Variants in PPM1L observed in about 807,000 individuals in gnomAD.
The protein encoded by PPM1L is protein phosphatase, Mg2+/Mn2+ dependent 1L.
In PPM1L, 13 loss-of-function variants were observed where a neutral mutation model predicts 31.4. The observed-to-expected ratio is 0.41, with a 90% CI of 0.27 to 0.66. PPM1L has a LOEUF of 0.66. Ranked by LOEUF, PPM1L falls within the 30% of genes least tolerant of loss-of-function variation. The pLI is 0.29. For missense variants in PPM1L, 326 were observed against 453.7 expected (o/e 0.72, Z 2.56); for synonymous variants, 184 against 175.4 (o/e 1.05, Z -0.39).
At chr3:160,909,523 C>G (rs1488624676) in intron 1 of PPM1L, among the ~76,000 whole-genome samples, 1 of 152,140 alleles carries the variant, frequency 6.6e-6, no homozygotes. Flanking sequence ...GTCTAGAGCT[C>G]AGGAGTTGCC....
At chr3:160,823,369 T>A (rs941783972) in intron 1 of PPM1L, among the ~76,000 whole-genome samples, 6 of 48,626 alleles carry the variant, frequency 1.2e-4, no homozygotes, top group African/African-American at 9.1e-4. Context: ...GTATAAATGA[T>A]TTTTTTTTTT....
intron 1 of PPM1L, among the ~76,000 whole-genome samples, chr3:160,814,490 C>T (rs1712904448): frequency 1.3e-5 from 2 of 150,116 alleles, no homozygotes; most frequent in Admixed American, 1.3e-4. Context: ...CACACACACA[C>T]ACACACATAT....
chr3:160,959,600 C>T (rs374954643), intron 1 of PPM1L, among the ~76,000 whole-genome samples: 3 of 152,092 alleles, frequency 2.0e-5, no homozygotes, highest in Non-Finnish European at 4.4e-5. Context: ...GAGGCTGAGG[C>T]GGGTGCATCA....
intron 1 of PPM1L, among the ~76,000 whole-genome samples, chr3:160,780,034 T>C (rs893662117): frequency 6.6e-6 from 1 of 152,138 alleles, no homozygotes; most frequent in Non-Finnish European, 1.5e-5. Flanking sequence ...AGCTTTTTTT[T>C]TTTTGATACT....
chr3:160,934,778 C>A (rs1267380989), intron 1 of PPM1L, among the ~76,000 whole-genome samples: 2 of 152,022 alleles, frequency 1.3e-5, no homozygotes, highest in Non-Finnish European at 2.9e-5. Context: ...TGTGGTGAAA[C>A]CCTGTCTCCA....
At chr3:160,834,170 C>G (rs899973165) in intron 1 of PPM1L, among the ~76,000 whole-genome samples, 2 of 151,824 alleles carry the variant, frequency 1.3e-5, no homozygotes, top group African/African-American at 2.4e-5. Flanking sequence ...ACTACAGGCA[C>G]CCACCATCAT....
chr3:160,919,789 T>C (rs1436717251), intron 1 of PPM1L, among the ~76,000 whole-genome samples: 1 of 152,214 alleles, frequency 6.6e-6, no homozygotes, highest in East Asian at 1.9e-4. Context: ...ATTTCTGTTT[T>C]GCATTAGGAA....
chr3:160,980,437 G>A (rs2108033701), intron 2 of PPM1L, among the ~76,000 whole-genome samples: 1 of 152,076 alleles, frequency 6.6e-6, no homozygotes, highest in South Asian at 2.1e-4. Flanking sequence ...AGCACTTTGG[G>A]AGGCGTAGGA....
intron 1 of PPM1L, among the ~76,000 whole-genome samples, chr3:160,898,445 C>T (rs1713421418): frequency 6.6e-6 from 1 of 152,140 alleles, no homozygotes; most frequent in Non-Finnish European, 1.5e-5. Context: ...AGGGCCCTCT[C>T]AGAGACTGCT....
At chr3:160,773,385 A>G (rs1711501593) in intron 1 of PPM1L, among the ~76,000 whole-genome samples, 1 of 39,166 alleles carries the variant, frequency 2.6e-5, no homozygotes, top group Non-Finnish European at 4.0e-5. Flanking sequence ...GAAAAGAGAG[A>G]AAAAAAGGCA....
chr3:160,788,686 T>C (rs1347909548), intron 1 of PPM1L, among the ~76,000 whole-genome samples: 1 of 152,108 alleles, frequency 6.6e-6, no homozygotes, highest in Non-Finnish European at 1.5e-5. Flanking sequence ...TTTTGTCTAG[T>C]ATTTTAATGG....
In PPM1L at chr3:161,075,935, C is replaced by T. The variant is rs926191665; in HGVS notation, c.*6778C>T. On this transcript the variant is annotated 3_prime_UTR_variant, in exon 4 of 4. Transcript: ENST00000498165. ...CCCAGATTCCATTCACGTTCCAAAT[C>T]GTGGACAGTAAAACTGAAGTCAGAT... is the stretch of plus-strand genomic sequence containing the variant. 6 of 152,264 alleles carry T rather than the reference C, an allele frequency of 3.9e-5. No homozygotes were observed. The highest frequency in any genetic ancestry group is 1.9e-4 in the East Asian group (1 of 5,174). The allele number at this position is 152,264 out of a possible 1,614,324, so 9.4% of individuals were successfully genotyped here.
intron 2 of PPM1L, among the ~76,000 whole-genome samples, chr3:161,009,382 T>C (rs1717814962): frequency 6.6e-6 from 1 of 152,194 alleles, no homozygotes; most frequent in Non-Finnish European, 1.5e-5. Context: ...AATAAGGTAA[T>C]TTATCAAGAA....
At chr3:160,774,196 C>G (rs1271571393) in intron 1 of PPM1L, among the ~76,000 whole-genome samples, 1 of 152,112 alleles carries the variant, frequency 6.6e-6, no homozygotes, top group Non-Finnish European at 1.5e-5. Flanking sequence ...TGCCTTTATT[C>G]TCTCAGTCCG....
intron 2 of PPM1L, among the ~76,000 whole-genome samples, chr3:160,982,138 C>T (rs966162768): frequency 5.3e-5 from 8 of 152,204 alleles, no homozygotes; most frequent in Non-Finnish European, 1.2e-4. Context: ...AGCCCTGCAC[C>T]TGGATGGCTT....
At chr3:160,785,042 A>G (rs892775280) in intron 1 of PPM1L, among the ~76,000 whole-genome samples, 3 of 152,168 alleles carry the variant, frequency 2.0e-5, no homozygotes, top group Admixed American at 6.5e-5. Context: ...ATTGTTGCTC[A>G]TATTTGAAGA....
intron 1 of PPM1L, among the ~76,000 whole-genome samples, chr3:160,909,030 G>A (rs1354939224): frequency 6.6e-6 from 1 of 152,192 alleles, no homozygotes; most frequent in Non-Finnish European, 1.5e-5. Flanking sequence ...CAGAAACATG[G>A]TAGAAGATTA....
At chr3:160,870,684 A>G (rs1001352154) in intron 1 of PPM1L, 1 of 152,196 alleles carries the variant, frequency 6.6e-6, no homozygotes, top group Non-Finnish European at 1.5e-5. Flanking sequence ...CAAAGTCCTT[A>G]AAGTTGTAAT....
chr3:160,895,674 C>T (rs1713313175), intron 1 of PPM1L, among the ~76,000 whole-genome samples: 1 of 152,108 alleles, frequency 6.6e-6, no homozygotes, highest in Non-Finnish European at 1.5e-5. Context: ...GTTTGTGGTT[C>T]TTGATCCTTT....
Sources: allele counts gnomAD v4.1 joint callset (sites outside exome capture counted in the v4.1 genomes callset), GRCh38; gene constraint gnomAD v4.1.1; transcripts MANE v1.5; gene names NCBI Gene and HGNC (gene_info 2026-07-23, HGNC 2026-07-21).